Variants in TXNDC5 observed in about 807,000 individuals in gnomAD.
TXNDC5 encodes the protein thioredoxin domain containing 5, also known as thioredoxin domain-containing protein 5.
Under a neutral mutation model 52.6 loss-of-function variants are expected in TXNDC5, and 44 were observed. The ratio of observed to expected loss-of-function variants is 0.84; its 90% CI spans 0.66 to 1.08. The LOEUF (loss-of-function observed/expected upper bound fraction) is 1.08, where lower values mean the gene tolerates loss of function less well. Ranked by LOEUF, TXNDC5 falls within the 50% of genes least tolerant of loss-of-function variation. The pLI is 0.00. For synonymous variants in TXNDC5, 241 were observed against 234.4 expected (o/e 1.03, Z -0.26); for missense variants, 600 against 565.5 (o/e 1.06, Z -0.62).
intron 6 of TXNDC5, 149 bp downstream of exon 6, chr6:7,889,342 GAGAA>G (rs1324076205): frequency 1.6e-6 from 1 of 626,316 alleles, no homozygotes; most frequent in African/African-American, 1.8e-5. Context: ...TATCAATTAA[GAGAA>G]AGACGTTTGT....
At chr6:7,897,732 C>T (rs1760421590) in intron 3 of TXNDC5, among the ~76,000 whole-genome samples, 1 of 152,228 alleles carries the variant, frequency 6.6e-6, no homozygotes, top group African/African-American at 2.4e-5. Context: ...TGAGGTCTTT[C>T]TGCCGTCCTG....
chr6:7,906,075 C>T (rs1760718363), intron 1 of TXNDC5, among the ~76,000 whole-genome samples: 1 of 150,616 alleles, frequency 6.6e-6, no homozygotes, highest in South Asian at 2.1e-4. Flanking sequence ...CCCCCATCTA[C>T]AAAAAATTTT....
chr6:7,902,067 A>C (rs1450168827), intron 2 of TXNDC5, among the ~76,000 whole-genome samples: 1 of 152,180 alleles, frequency 6.6e-6, no homozygotes, highest in Non-Finnish European at 1.5e-5. Flanking sequence ...GTGAGGACAG[A>C]GGACGGCAGT....
intron 7 of TXNDC5, among the ~76,000 whole-genome samples, chr6:7,886,627 C>T (rs760191192): frequency 1.2e-4 from 18 of 152,228 alleles, no homozygotes; most frequent in Admixed American, 2.0e-4. Context: ...ATGTGAAAAA[C>T]GCTGATGGAA....
intron 5 of TXNDC5, 58 bp from the exon 6 acceptor site, chr6:7,889,639 T>C (rs1359346885): frequency 1.5e-6 from 2 of 1,316,400 alleles, no homozygotes; most frequent in Non-Finnish European, 1.1e-6. Context: ...TTCTTGCTAA[T>C]GGGGCTACTG....
At chr6:7,909,943 C>G in intron 1 of TXNDC5, 1 of 986,046 alleles carries the variant, frequency 1.0e-6, no homozygotes, top group Non-Finnish European at 1.2e-6. Context: ...GGGCAGGCCG[C>G]GCGTCCGGCC....
chr6:7,892,230 GC>G (rs546867089), intron 4 of TXNDC5, among the ~76,000 whole-genome samples: 92 of 152,258 alleles, frequency 6.0e-4, no homozygotes, highest in African/African-American at 2.0e-3. Flanking sequence ...GTCTTCTTGT[GC>G]CCCCAAAAAA....
chr6:7,891,329 C>G (rs1760182785), intron 5 of TXNDC5, among the ~76,000 whole-genome samples: 1 of 152,134 alleles, frequency 6.6e-6, no homozygotes, highest in African/African-American at 2.4e-5. Flanking sequence ...CTACAAGGCT[C>G]TACCCCATCT....
At chr6:7,908,671 A>AAAC (rs1236066881) in intron 1 of TXNDC5, among the ~76,000 whole-genome samples, 1 of 152,094 alleles carries the variant, frequency 6.6e-6, no homozygotes, top group Middle Eastern at 3.4e-3. Flanking sequence ...ACTACAACAA[A>AAAC]AACAACAACA....
At position 7,881,673 on chromosome 6, in the gene TXNDC5, TAAAA is replaced by T. The variant is rs1453355499; in HGVS notation, c.*1467_*1470del. 2.0e-5 allele frequency: 3 copies of T among 152,128 alleles called. No individual in the cohort carries two copies. Among genetic ancestry groups the T allele is most frequent in the African/African-American group, 7.2e-5 (3 of 41,416 alleles). The allele number at this position is 152,128 out of a possible 1,614,324, so 9.4% of individuals were successfully genotyped here. ...GCTTCTCTAGGAGGTTGGGTTTTTT[TAAAA>T]AAAGAATTATCTGTGAACCATACGT... On this transcript the variant is annotated 3_prime_UTR_variant, in exon 10 of 10. Coordinates refer to ENST00000379757, the MANE Select transcript of TXNDC5 (RefSeq NM_030810.5).
chr6:7,887,841 C>A (rs576979621), intron 7 of TXNDC5, among the ~76,000 whole-genome samples: 2 of 152,320 alleles, frequency 1.3e-5, no homozygotes, highest in African/African-American at 4.8e-5. Context: ...GCAGAAATGC[C>A]GGCTGATTCT....
intron 3 of TXNDC5, 72 bp downstream of exon 3, chr6:7,899,504 A>G: frequency 2.6e-6 from 3 of 1,158,388 alleles, no homozygotes; most frequent in Non-Finnish European, 3.7e-6. Context: ...GCCCCGTTAC[A>G]TATTACCCCA....
chr6:7,910,270 C>T (rs951468564), intron 1 of TXNDC5, among the ~76,000 whole-genome samples: 31 of 150,394 alleles, frequency 2.1e-4, no homozygotes, highest in African/African-American at 7.6e-4. Context: ...CCGCGGCGCC[C>T]GCGCCCCCCG....
At chr6:7,897,281 C>T (rs1316050658) in intron 3 of TXNDC5, among the ~76,000 whole-genome samples, 34 of 152,048 alleles carry the variant, frequency 2.2e-4, no homozygotes, top group Admixed American at 2.2e-3. Flanking sequence ...GTAGAATGTA[C>T]AAAGTGACAA....
chr6:7,890,413 G>T (rs1156276982), intron 5 of TXNDC5, among the ~76,000 whole-genome samples: 1 of 152,106 alleles, frequency 6.6e-6, no homozygotes, highest in Admixed American at 6.6e-5. Flanking sequence ...CATTTTTAAG[G>T]GTCCAGTGTA....
At chr6:7,895,006 T>C in intron 4 of TXNDC5, 100 bp downstream of exon 4, 1 of 1,478,618 alleles carries the variant, frequency 6.8e-7, no homozygotes, top group Non-Finnish European at 9.1e-7. Context: ...GTGCCACTGA[T>C]GCTGCTATCT....
Position 7,888,843 on chromosome 6 carries a change from A to G in TXNDC5, c.825T>C (p.Asp275=), listed in dbSNP as rs765642796. The change falls in exon 7 of 10, where the codon GAT becomes GAC. Residue 275 remains aspartate, a synonymous_variant. Transcript: ENST00000379757. ...CCAAATCCCGCTTTCCCTTGTACTG[A>G]TCCACCTGGCCAAGACACGGGCACG... ...LLWFRDGKKV[D]QYKGKRDLES... 6.2e-6 allele frequency: 10 copies of G among 1,608,160 alleles called. No individual in the cohort carries two copies. Among genetic ancestry groups the G allele is most frequent in the Non-Finnish European group, 8.5e-6 (10 of 1,177,256 alleles).
At chr6:7,905,065 G>T (rs1390460865) in intron 1 of TXNDC5, among the ~76,000 whole-genome samples, 1 of 152,194 alleles carries the variant, frequency 6.6e-6, no homozygotes, top group Non-Finnish European at 1.5e-5. Flanking sequence ...CCCTACTGCA[G>T]CATCTGCAGT....
chr6:7,897,956 T>C (rs537571697), intron 3 of TXNDC5, among the ~76,000 whole-genome samples: 69 of 152,328 alleles, frequency 4.5e-4, no homozygotes, highest in African/African-American at 1.6e-3. Context: ...AGGACAAAGA[T>C]GCAAATTTCC....
Sources: allele counts gnomAD v4.1 joint callset (sites outside exome capture counted in the v4.1 genomes callset), GRCh38; gene constraint gnomAD v4.1.1; transcripts MANE v1.5; gene names NCBI Gene and HGNC (gene_info 2026-07-23, HGNC 2026-07-21).